The following TRDN variants were observed in gnomAD, a reference collection of about 807,000 sequenced individuals.
TRDN encodes triadin in skeletal muscle.
TRDN carries 161 observed loss-of-function variants against 149.7 expected under a neutral mutation model. The ratio of observed to expected loss-of-function variants is 1.08; its 90% CI spans 0.95 to 1.23. TRDN has a LOEUF of 1.23. TRDN is among the 50% of genes most tolerant of loss of function. The probability of loss-of-function intolerance (pLI) is 0.00; values close to 1 mark genes in which losing one functional copy is unlikely to be tolerated. For missense variants in TRDN, 896 were observed against 823.5 expected, an observed-to-expected ratio of 1.09 and a Z score of -1.08; for synonymous variants, 294 against 250.5, an observed-to-expected ratio of 1.17 and a Z score of -1.64.
intron 9 of TRDN, among the ~76,000 whole-genome samples, chr6:123,483,453 C>A (rs1365859761): frequency 6.6e-6 from 1 of 151,984 alleles, no homozygotes; most frequent in African/African-American, 2.4e-5. Flanking sequence ...ACTTCCTCCC[C>A]TATTTGGGAT....
In TRDN at chr6:123,499,719, A is replaced by AAAATAT; in HGVS notation, c.794-2468_794-2467insATATTT. The stretch of plus-strand genomic sequence containing the variant: ...ATTCTGGCTCAAAAAAAAAAAAAAA[A>AAAATAT]ATATATATATATATATATATATATA... On this transcript the variant is annotated intron_variant, in intron 8 of 40. Transcript: ENST00000334268. Among the ~76,000 whole-genome samples the AAAATAT allele has an allele frequency of 4.6e-4, 22 of 47,674 alleles. 5 individuals carry two copies. Among genetic ancestry groups the AAAATAT allele is most frequent in the East Asian group, 1.0e-3 (2 of 1,912 alleles). 31.3% of individuals were successfully genotyped at this position (47,674 alleles called of 152,430 possible).
chr6:123,636,888 T>C lies in TRDN; in HGVS notation c.-113A>G. The C allele has an allele frequency of 7.9e-7, 1 of 1,262,118 alleles. No homozygotes were observed. Among genetic ancestry groups the C allele is most frequent in the Non-Finnish European group, 1.1e-6 (1 of 873,478 alleles). 78.2% of individuals were successfully genotyped at this position (1,262,118 alleles called of 1,614,324 possible). On this transcript the variant is annotated 5_prime_UTR_variant, in exon 1 of 41. Transcript: ENST00000334268. ...GGGTTCTGTGTCAAAACCTGGGGGC[T>C]CTTCGTTTTCCTGGCTGTTTCTGCT...
At chr6:123,531,652 T>C (rs532368597) in intron 4 of TRDN, among the ~76,000 whole-genome samples, 5 of 152,176 alleles carry the variant, frequency 3.3e-5, no homozygotes, top group African/African-American at 1.2e-4. Flanking sequence ...AATATGGTGA[T>C]GAAGATATGA....
chr6:123,493,017 G>C (rs1778290051), intron 9 of TRDN, among the ~76,000 whole-genome samples: 1 of 152,012 alleles, frequency 6.6e-6, no homozygotes, highest in African/African-American at 2.4e-5. Context: ...CTGACCATCG[G>C]CACAACCAAA....
At chr6:123,410,701 A>G (rs1478745410) in intron 12 of TRDN, among the ~76,000 whole-genome samples, 1 of 152,226 alleles carries the variant, frequency 6.6e-6, no homozygotes, top group East Asian at 1.9e-4. Flanking sequence ...CTGTTTATAC[A>G]TATCTGGACA....
intron 24 of TRDN, among the ~76,000 whole-genome samples, chr6:123,307,336 G>T (rs1778652384): frequency 6.6e-6 from 1 of 151,804 alleles, no homozygotes; most frequent in Non-Finnish European, 1.5e-5. Flanking sequence ...TCTTATATCT[G>T]GGACAGTTCT....
At chr6:123,550,768 AC>A (rs1781343958) in intron 2 of TRDN, among the ~76,000 whole-genome samples, 1 of 151,886 alleles carries the variant, frequency 6.6e-6, no homozygotes, top group Non-Finnish European at 1.5e-5. Flanking sequence ...CCATTCAGTG[AC>A]CCCAGGAATA....
chr6:123,617,150 CA>C (rs1785134339), intron 1 of TRDN, among the ~76,000 whole-genome samples: 1 of 151,990 alleles, frequency 6.6e-6, no homozygotes, highest in Non-Finnish European at 1.5e-5. Flanking sequence ...GGCTCTTATC[CA>C]GCTGAAAATG....
chr6:123,242,413 T>C (rs896291341), intron 38 of TRDN, among the ~76,000 whole-genome samples: 2 of 152,138 alleles, frequency 1.3e-5, no homozygotes, highest in Middle Eastern at 3.4e-3. Context: ...CCCAATGTCT[T>C]CCTCCAAACT....
intron 1 of TRDN, among the ~76,000 whole-genome samples, chr6:123,602,747 C>T (rs1240718829): frequency 1.3e-5 from 2 of 152,030 alleles, no homozygotes; most frequent in African/African-American, 2.4e-5. Flanking sequence ...TTCCCTCTCC[C>T]TGCACTTATG....
chr6:123,365,714 C>T (rs4591877), intron 20 of TRDN, among the ~76,000 whole-genome samples: 141,222 of 152,232 alleles, frequency 0.93, 65,557 homozygotes, highest in East Asian at 0.99. Context: ...CAGCATCTCA[C>T]CTAATACATT....
At chr6:123,627,560 T>C (rs1317642452) in intron 1 of TRDN, among the ~76,000 whole-genome samples, 2 of 152,200 alleles carry the variant, frequency 1.3e-5, no homozygotes, top group African/African-American at 2.4e-5. Flanking sequence ...ATTGTCATAA[T>C]GGTAAACCAG....
intron 10 of TRDN, among the ~76,000 whole-genome samples, chr6:123,445,967 C>T (rs1775317074): frequency 6.9e-6 from 1 of 145,208 alleles, no homozygotes. Flanking sequence ...TTCACGATAG[C>T]AAAGACTTGG....
chr6:123,263,158 C>G (rs1461767596), intron 33 of TRDN, among the ~76,000 whole-genome samples: 1 of 152,056 alleles, frequency 6.6e-6, no homozygotes, highest in Non-Finnish European at 1.5e-5. Context: ...AAAAGTGTTA[C>G]TCCAGTGACC....
intron 1 of TRDN, among the ~76,000 whole-genome samples, chr6:123,615,303 A>C (rs1324913482): frequency 6.6e-6 from 1 of 152,170 alleles, no homozygotes. Flanking sequence ...CTTGGTATAT[A>C]TCCAAACGAA....
chr6:123,344,832 T>A (rs761639942), intron 21 of TRDN, among the ~76,000 whole-genome samples: 12 of 151,998 alleles, frequency 7.9e-5, no homozygotes, highest in Non-Finnish European at 1.6e-4. Flanking sequence ...GAGAGTAAGG[T>A]TAGTTTTCTA....
intron 22 of TRDN, among the ~76,000 whole-genome samples, chr6:123,335,795 T>C (rs1289142100): frequency 6.6e-6 from 1 of 152,002 alleles, no homozygotes; most frequent in Non-Finnish European, 1.5e-5. Flanking sequence ...AAGACATTAA[T>C]GTCCCCAAAT....
chr6:123,222,153 GT>G (rs1775171238), intron 39 of TRDN, among the ~76,000 whole-genome samples: 2 of 151,626 alleles, frequency 1.3e-5, no homozygotes, highest in South Asian at 4.1e-4. Flanking sequence ...GGTTTTGGGG[GT>G]TTTTCTATAA....
At chr6:123,580,821 G>A (rs1179123460) in intron 1 of TRDN, among the ~76,000 whole-genome samples, 1 of 152,004 alleles carries the variant, frequency 6.6e-6, no homozygotes. Flanking sequence ...CTTTGTAGTT[G>A]GTGTTTCCAA....
Sources: allele counts gnomAD v4.1 joint callset (sites outside exome capture counted in the v4.1 genomes callset), GRCh38; gene constraint gnomAD v4.1.1; transcripts MANE v1.5; gene names NCBI Gene and HGNC (gene_info 2026-07-23, HGNC 2026-07-21).